SP140: variants seen among roughly 807,000 people sequenced by gnomAD.
SP140 encodes SP140 nuclear body protein.
SP140 carries 81 observed loss-of-function variants against 125.0 expected under a neutral mutation model. That is an observed-to-expected ratio of 0.65 (90% CI 0.54 to 0.78). The LOEUF (loss-of-function observed/expected upper bound fraction) is 0.78. Among genes scored for constraint, SP140 ranks in the 30% least tolerant of loss-of-function variants. SP140 has a pLI of 0.00. For missense variants in SP140, 858 were observed against 1,037.0 expected (o/e 0.83, Z 2.37); for synonymous variants, 312 against 354.0 (o/e 0.88, Z 1.33).
upstream of SP140, among the ~76,000 whole-genome samples, chr2:230,223,369 A>C (rs13384787): frequency 0.13 from 20,071 of 152,208 alleles, 1,505 homozygotes; most frequent in Middle Eastern, 0.22. Context: ...CAGGTGATCC[A>C]GATATCTTTC....
rs2260513 is a variant in SP140 at position 230,311,892 on chromosome 2, G to A, written c.2505+297G>A. On this transcript the variant is annotated intron_variant, in intron 26 of 26. Coordinates refer to ENST00000392045, the MANE Select transcript of SP140 (RefSeq NM_007237.5). Reference sequence around the variant, plus strand: ...CCTGCCTGCTGCAGCATATAAAGAGGAGAGAATTTCATCTTAAAGTGGTAT... The same window carrying A: ...CCTGCCTGCTGCAGCATATAAAGAGAAGAGAATTTCATCTTAAAGTGGTAT... Among the ~76,000 whole-genome samples the A allele has an allele frequency of 1.1e-3, 168 of 152,282 alleles. 1 individual carries two copies. Among genetic ancestry groups the A allele is most frequent in the African/African-American group, 3.3e-3 (138 of 41,546 alleles).
At chr2:230,191,383 C>G in the SP140 span, among the ~76,000 whole-genome samples, 1 of 151,702 alleles carries the variant, frequency 6.6e-6, no homozygotes, top group African/African-American at 2.4e-5. Context: ...CAAAATAGAT[C>G]ACTAGCCATA....
At chr2:230,266,780 A>C (rs545312180) in intron 12 of SP140, among the ~76,000 whole-genome samples, 5 of 152,010 alleles carry the variant, frequency 3.3e-5, no homozygotes, top group African/African-American at 1.2e-4. Context: ...TCCTTAATAC[A>C]TTGCCCCTCC....
intron 3 of SP140, among the ~76,000 whole-genome samples, chr2:230,214,525 T>C (rs1306608708): frequency 6.6e-6 from 1 of 152,208 alleles, no homozygotes; most frequent in Non-Finnish European, 1.5e-5. Context: ...TGATGTGAGA[T>C]AATCAAATAA....
intron 1 of SP140, among the ~76,000 whole-genome samples, chr2:230,208,218 G>T (rs2044089860): frequency 6.6e-6 from 1 of 152,182 alleles, no homozygotes; most frequent in African/African-American, 2.4e-5. Context: ...GGGGAAGAAG[G>T]ACTCTAAAAT....
At chr2:230,284,491 C>T (rs2056092799) in intron 16 of SP140, 80 bp downstream of exon 16, 1 of 1,224,942 alleles carries the variant, frequency 8.2e-7, no homozygotes, top group East Asian at 2.5e-5. Flanking sequence ...GCCTGCAGTT[C>T]CCCAGAGCCA....
At chr2:230,271,582 T>C (rs577422216) in intron 15 of SP140, among the ~76,000 whole-genome samples, 3 of 152,196 alleles carry the variant, frequency 2.0e-5, no homozygotes, top group Admixed American at 1.3e-4. Flanking sequence ...CCTGTACTCA[T>C]GTGAAAAGCA....
At chr2:230,228,358 C>T (rs7591582) in intron 1 of SP140, among the ~76,000 whole-genome samples, 14,286 of 152,204 alleles carry the variant, frequency 0.094, 888 homozygotes, top group Non-Finnish European at 0.12. Flanking sequence ...TACATGCATT[C>T]TGCTATTGTT....
At chr2:230,190,340 C>T in the SP140 span, among the ~76,000 whole-genome samples, 533 of 60,294 alleles carry the variant, frequency 8.8e-3, 3 homozygotes, top group African/African-American at 0.03. Flanking sequence ...TTGTTGGCTA[C>T]GTAAATTTTT....
At chr2:230,207,144 AG>A (rs2043954438) in intron 1 of SP140, among the ~76,000 whole-genome samples, 1 of 152,112 alleles carries the variant, frequency 6.6e-6, no homozygotes, top group Non-Finnish European at 1.5e-5. Context: ...AAAGCAGCAA[AG>A]TTTTTTCTTT....
intron 18 of SP140, among the ~76,000 whole-genome samples, chr2:230,289,523 A>G (rs1230863257): frequency 1.3e-5 from 2 of 152,198 alleles, no homozygotes; most frequent in Non-Finnish European, 2.9e-5. Context: ...TCTGTTGCCC[A>G]GGCTGGAGTG....
chr2:230,313,731 C>G (rs115864860), downstream of SP140, among the ~76,000 whole-genome samples: 2,229 of 152,314 alleles, frequency 0.015, 29 homozygotes, highest in Non-Finnish European at 0.022. Context: ...AGTTGGATCA[C>G]TGTCTAGCCC....
chr2:230,291,338 T>A (rs908204388), intron 19 of SP140, among the ~76,000 whole-genome samples: 1 of 152,220 alleles, frequency 6.6e-6, no homozygotes, highest in Non-Finnish European at 1.5e-5. Flanking sequence ...AACTTTTTTT[T>A]GTATAGTCAC....
intron 1 of SP140, among the ~76,000 whole-genome samples, chr2:230,234,178 A>G (rs776114526): frequency 1.3e-5 from 2 of 152,218 alleles, no homozygotes; most frequent in African/African-American, 2.4e-5. Context: ...ATAGGAACAA[A>G]CAATTCCCAA....
chr2:230,285,864 C>G (rs763706942), intron 17 of SP140, 32 bp downstream of exon 17: 1 of 1,522,510 alleles, frequency 6.6e-7, no homozygotes, highest in Non-Finnish European at 9.1e-7. Flanking sequence ...TTCCCTTTGC[C>G]CTACAGGTCA....
intron 22 of SP140, among the ~76,000 whole-genome samples, chr2:230,305,737 A>C (rs925019074): frequency 1.3e-5 from 2 of 152,148 alleles, no homozygotes; most frequent in African/African-American, 4.8e-5. Flanking sequence ...AGTGGCGCCC[A>C]CTTCCAGGAC....
rs1407217549 is a variant in SP140 at position 230,237,236 on chromosome 2, C to T, written c.213C>T (p.Ser71=). Residue 71 remains serine (S), a synonymous_variant, in exon 2 of 27, where the codon TCC becomes TCT. Transcript: ENST00000392045. This position sits in a 1 kb window ranked among gnomAD's most constrained non-coding sequence, Gnocchi z 5.4. ...TCCTTATGGGCCTCCGAGACCGCTC[C>T]TTCATCTCCGAGCAGATGTATGAAG... ...FPFLMGLRDR[S]FISEQMYEHF... is the part of the protein sequence containing the mutation. The T allele has an allele frequency of 1.2e-6, 2 of 1,612,148 alleles. No homozygotes were observed. The highest frequency in any genetic ancestry group is 2.2e-5 in the East Asian group (1 of 44,860).
At chr2:230,208,832 G>C (rs1022500096) in intron 1 of SP140, among the ~76,000 whole-genome samples, 1 of 152,208 alleles carries the variant, frequency 6.6e-6, no homozygotes, top group Non-Finnish European at 1.5e-5. Flanking sequence ...AGACTTGCCA[G>C]AGAGTTCTAG....
Position 230,312,868 on chromosome 2 carries a change from C to T in SP140, c.*184C>T. On this transcript the variant is annotated 3_prime_UTR_variant, in exon 27 of 27. Coordinates refer to ENST00000392045, the MANE Select transcript of SP140 (RefSeq NM_007237.5). ...GAAATTCAATCATCATGAATCACAA[C>T]CCCAAGTATCTCATCAGCCAGGGAA... 1 of 508,250 alleles carries T rather than the reference C, an allele frequency of 2.0e-6. No individual in the cohort carries two copies. Among genetic ancestry groups the T allele is most frequent in the Non-Finnish European group, 3.5e-6 (1 of 282,644 alleles). The allele number at this position is 508,250 out of a possible 1,614,324, so 31.5% of individuals were successfully genotyped here. A position where few individuals can be genotyped will look rare whatever the true frequency, so the allele number is the denominator to read the frequency against.
Sources: gnomAD v4.1 joint callset for allele counts (sites outside exome capture counted in the v4.1 genomes callset) on GRCh38, gnomAD v4.1.1 for gene constraint, Gnocchi (gnomAD v3.1) non-coding constraint, MANE v1.5 for transcripts, NCBI Gene and HGNC (gene_info 2026-07-23, HGNC 2026-07-21) for gene names.